FREM1: variants seen among roughly 807,000 people sequenced by gnomAD.
FREM1 encodes the protein FRAS1 related extracellular matrix 1.
A neutral mutation model predicts 210.1 loss-of-function variants in FREM1; 220 were observed. That is an observed-to-expected ratio of 1.05 (90% CI 0.94 to 1.17). FREM1 has a LOEUF of 1.17. Among genes scored for constraint, FREM1 ranks in the 50% most tolerant of loss-of-function variants. The probability of loss-of-function intolerance (pLI) is 0.00; values close to 1 mark genes in which losing one functional copy is unlikely to be tolerated. For synonymous variants in FREM1, 1,189 were observed against 980.2 expected (o/e 1.21, Z -3.98); for missense variants, 3,454 against 2,675.5 (o/e 1.29, Z -6.42).
chr9:14,807,837 G>C, intron 17 of FREM1, 103 bp downstream of exon 17: 1 of 820,598 alleles, frequency 1.2e-6, no homozygotes, highest in Non-Finnish European at 1.9e-6. Flanking sequence ...ATTCCATATG[G>C]TGGTTTTCTT....
Position 14,808,089 on chromosome 9 carries a change from A to G in FREM1, c.2939T>C (p.Val980Ala). The G allele has an allele frequency of 6.2e-7, 1 of 1,613,298 alleles. No individual in the cohort carries two copies. The highest frequency in any genetic ancestry group is 1.1e-5 in the South Asian group (1 of 90,896). The stretch of plus-strand genomic sequence containing the variant: ...AGGGCCAGCCTCTCCATCCGAAACC[A>G]CCAATGTAATGGTGTCAAAACAAGG... ...LMPCFDTITL[V>A]VSDGEAGPFV... The change falls in exon 17 of 37, where the codon GTG (valine) becomes GCG (alanine). Residue 980 changes from valine to alanine, a missense_variant. Val to Ala is a moderately conservative substitution (Grantham distance 64). Coordinates refer to ENST00000380880, the MANE Select transcript of FREM1 (RefSeq NM_001379081.2).
At chr9:14,905,725 C>A (rs1328831679) in intron 1 of FREM1, among the ~76,000 whole-genome samples, 1 of 152,064 alleles carries the variant, frequency 6.6e-6, no homozygotes. Context: ...CCTGTCTCTA[C>A]TAAAAATACA....
At chr9:14,885,359 G>T (rs1835623567) in intron 1 of FREM1, among the ~76,000 whole-genome samples, 1 of 151,978 alleles carries the variant, frequency 6.6e-6, no homozygotes, top group Non-Finnish European at 1.5e-5. Flanking sequence ...ATTATTTATT[G>T]TTCGTTTTTA....
intron 29 of FREM1, among the ~76,000 whole-genome samples, chr9:14,754,118 A>G (rs905300280): frequency 6.6e-6 from 1 of 152,208 alleles, no homozygotes; most frequent in African/African-American, 2.4e-5. Context: ...GAAACCTACT[A>G]GCAGCCAAAA....
chr9:14,857,592 T>G lies in FREM1; in HGVS notation c.789A>C (p.Gln263His), dbSNP rs759764830. The G allele has an allele frequency of 6.2e-7, 1 of 1,613,660 alleles. No individual in the cohort carries two copies. The highest frequency in any genetic ancestry group is 8.5e-7 in the Non-Finnish European group (1 of 1,179,852). ...TGCTCCTGGTATCTGTGAGGTCCAG[T>G]TGGATGGAGATATAATCAATGTTGG... is the stretch of plus-strand genomic sequence containing the variant. ...PSPNIDYISI[Q>H]LDLTDTRSKI... The change falls in exon 5 of 37, where the codon CAA (glutamine) becomes CAC (histidine). Residue 263 changes from glutamine to histidine, a missense_variant. Transcript: ENST00000380880.
chr9:14,748,067 C>T (rs1330203377), intron 31 of FREM1, among the ~76,000 whole-genome samples: 1 of 152,138 alleles, frequency 6.6e-6, no homozygotes, highest in East Asian at 1.9e-4. Context: ...TTAATAAGGT[C>T]AAAGCCATGG....
intron 1 of FREM1, among the ~76,000 whole-genome samples, chr9:14,909,219 A>T (rs1799152800): frequency 6.6e-6 from 1 of 152,180 alleles, no homozygotes; most frequent in African/African-American, 2.4e-5. Context: ...CTAAAATTAA[A>T]TACCTTAAAA....
At chr9:14,865,689 G>GTT (rs962735279) in intron 2 of FREM1, among the ~76,000 whole-genome samples, 5 of 151,560 alleles carry the variant, frequency 3.3e-5, no homozygotes, top group African/African-American at 1.2e-4. Flanking sequence ...GTGTGTGTGT[G>GTT]TGTGTGTGTG....
chr9:14,825,241 A>G (rs533803909), intron 10 of FREM1, among the ~76,000 whole-genome samples: 7 of 152,148 alleles, frequency 4.6e-5, no homozygotes, highest in African/African-American at 1.7e-4. Flanking sequence ...TAATCTCAGC[A>G]CTTTGGAAGG....
chr9:14,797,729 CA>C, intron 20 of FREM1, 87 bp from the exon 21 acceptor site: 3 of 1,148,550 alleles, frequency 2.6e-6, no homozygotes, highest in Non-Finnish European at 3.8e-6. Flanking sequence ...ATTTTCAAGG[CA>C]GGGGTATTAG....
At chr9:14,831,904 GA>G (rs1823629408) in intron 10 of FREM1, among the ~76,000 whole-genome samples, 2 of 152,186 alleles carry the variant, frequency 1.3e-5, no homozygotes, top group Non-Finnish European at 2.9e-5. Flanking sequence ...CGGGTGCCGG[GA>G]ATCCAAGAGC....
rs534822743 is a variant in FREM1, at chr9:14,848,544, G to T, written c.1261+121C>A. 15 of 478,370 alleles carry T rather than the reference G, an allele frequency of 3.1e-5. No individual in the cohort carries two copies. In the South Asian group the frequency reaches 4.6e-4, roughly 15 times the overall value. The allele number at this position is 478,370 out of a possible 1,614,324, so 29.6% of individuals were successfully genotyped here. On this transcript the variant is annotated intron_variant, in intron 7 of 36. Transcript: ENST00000380880. ...AGCTACTATGTGATGCCCTTAATCT[G>T]TCTGGGTTTCAGTTGCCACATGTAT... is the stretch of plus-strand genomic sequence containing the variant.
chr9:14,770,704 G>A lies in FREM1; in HGVS notation c.4960C>T (p.Arg1654Cys), dbSNP rs373186602. The change falls in exon 26 of 37, where the codon CGC becomes TGC. Residue 1654 changes from arginine (R) to cysteine (C), a missense_variant. Coordinates refer to ENST00000380880, the MANE Select transcript of FREM1 (RefSeq NM_001379081.2). ...NGCYGIYITS[R>C]VLKASDPDTE... Reference sequence around the variant, plus strand: ...TCAGGGTCTGATGCCTTCAACACGCGGGAAGTGATGTAAATCCCGTAGCAG... The same window carrying A: ...TCAGGGTCTGATGCCTTCAACACGCAGGAAGTGATGTAAATCCCGTAGCAG... 28 of 1,612,924 alleles carry A rather than the reference G, an allele frequency of 1.7e-5. No individual in the cohort carries two copies. The highest frequency in any genetic ancestry group is 5.3e-5 in the African/African-American group (4 of 74,858).
intron 27 of FREM1, among the ~76,000 whole-genome samples, chr9:14,761,077 T>C (rs935924400): frequency 6.6e-6 from 1 of 152,222 alleles, no homozygotes; most frequent in African/African-American, 2.4e-5. Flanking sequence ...ATTTCTTTCT[T>C]TTTTTGTGGA....
intron 14 of FREM1, among the ~76,000 whole-genome samples, chr9:14,817,517 T>C (rs1472908725): frequency 6.6e-6 from 1 of 152,210 alleles, no homozygotes; most frequent in African/African-American, 2.4e-5. Flanking sequence ...TTGAAGGCAT[T>C]GTCTAATTAT....
chr9:14,812,500 C>G (rs888527358), intron 16 of FREM1, among the ~76,000 whole-genome samples: 2 of 152,118 alleles, frequency 1.3e-5, no homozygotes, highest in African/African-American at 2.4e-5. Flanking sequence ...ATAGACCCAC[C>G]AACTACGATG....
At chr9:14,817,546 C>T (rs955833200) in intron 14 of FREM1, among the ~76,000 whole-genome samples, 1 of 152,194 alleles carries the variant, frequency 6.6e-6, no homozygotes, top group South Asian at 2.1e-4. Flanking sequence ...CACATACTCT[C>T]CAGCCCATTG....
intron 1 of FREM1, among the ~76,000 whole-genome samples, chr9:14,881,401 G>GA (rs942245699): frequency 4.7e-5 from 7 of 150,076 alleles, no homozygotes; most frequent in African/African-American, 7.3e-5. Flanking sequence ...ATCTCAACAG[G>GA]AAAAAAAAAG....
intron 2 of FREM1, among the ~76,000 whole-genome samples, chr9:14,868,021 G>C (rs1831867994): frequency 1.3e-5 from 2 of 152,052 alleles, no homozygotes; most frequent in Admixed American, 1.3e-4. Context: ...TGATTAAAAG[G>C]AAAAAAATTA....
Sources: allele counts gnomAD v4.1 joint callset (sites outside exome capture counted in the v4.1 genomes callset), GRCh38; gene constraint gnomAD v4.1.1; transcripts MANE v1.5; gene names NCBI Gene and HGNC (gene_info 2026-07-23, HGNC 2026-07-21).